RHOA: variants seen among roughly 807,000 people sequenced by gnomAD.
The protein encoded by RHOA is transforming protein RhoA.
Under a neutral mutation model 17.5 loss-of-function variants are expected in RHOA, and 3 were observed. That is an observed-to-expected ratio of 0.17 (90% confidence interval 0.08 to 0.44). RHOA has a LOEUF of 0.44. Ranked by LOEUF, RHOA falls within the 20% of genes least tolerant of loss-of-function variation. The pLI is 0.99. For missense variants in RHOA, 56 were observed against 242.3 expected (o/e 0.23, Z 5.10); for synonymous variants, 98 against 88.4 (o/e 1.11, Z -0.61).
At chr3:49,397,953 T>C (rs2048646113) in intron 1 of RHOA, among the ~76,000 whole-genome samples, 1 of 152,196 alleles carries the variant, frequency 6.6e-6, no homozygotes, top group Non-Finnish European at 1.5e-5. Context: ...GCGGGACTGC[T>C]AGGCAGTGCT....
intron 1 of RHOA, among the ~76,000 whole-genome samples, chr3:49,403,153 A>T (rs1430966806): frequency 6.6e-6 from 1 of 152,100 alleles, no homozygotes; most frequent in East Asian, 1.9e-4. Flanking sequence ...CCTGGCTAAC[A>T]GAGTGAAACC....
intron 3 of RHOA, chr3:49,367,130 C>T (rs994344864): frequency 6.6e-6 from 1 of 151,922 alleles, no homozygotes; most frequent in Non-Finnish European, 1.5e-5. Context: ...ATCACGAGGT[C>T]AGGAGATCAA....
chr3:49,398,756 C>T (rs989046852), intron 1 of RHOA, among the ~76,000 whole-genome samples: 8 of 136,200 alleles, frequency 5.9e-5, no homozygotes, highest in African/African-American at 2.7e-5. Flanking sequence ...AGGAGAACGG[C>T]GTGAACCCGG....
At chr3:49,384,971 G>A (rs2048372824) in intron 1 of RHOA, among the ~76,000 whole-genome samples, 1 of 151,666 alleles carries the variant, frequency 6.6e-6, no homozygotes, top group Non-Finnish European at 1.5e-5. Context: ...GCTGAGGCAG[G>A]AGAATTGTTT....
At chr3:49,364,656 G>A (rs1348023776) in intron 3 of RHOA, among the ~76,000 whole-genome samples, 1 of 151,690 alleles carries the variant, frequency 6.6e-6, no homozygotes. Context: ...GCGAGACTCC[G>A]TCTCAAAATA....
chr3:49,375,676 G>C, intron 1 of RHOA, 85 bp from the exon 2 acceptor site: 2 of 1,425,094 alleles, frequency 1.4e-6, no homozygotes. Flanking sequence ...GGTAACCATG[G>C]GGCATAAACC....
intron 1 of RHOA, among the ~76,000 whole-genome samples, chr3:49,409,793 C>G (rs2048902529): frequency 6.6e-6 from 1 of 152,202 alleles, no homozygotes; most frequent in Admixed American, 6.5e-5. Flanking sequence ...ACTCCACCAC[C>G]ACCACATGCA....
chr3:49,392,423 C>G (rs6792911), intron 1 of RHOA, among the ~76,000 whole-genome samples: 75 of 152,026 alleles, frequency 4.9e-4, no homozygotes, highest in African/African-American at 1.8e-3. Flanking sequence ...GCCTGGGTGC[C>G]AGAGTGAGTC....
intron 1 of RHOA, among the ~76,000 whole-genome samples, chr3:49,404,611 CAAAAAAAAA>C (rs71080508): frequency 1.8e-4 from 6 of 33,166 alleles, no homozygotes; most frequent in African/African-American, 2.7e-4. Context: ...GACTCCGTCT[CAAAAAAAAA>C]AAAAAAAAAA....
chr3:49,374,311 C>T (rs769094920), intron 2 of RHOA, among the ~76,000 whole-genome samples: 5 of 152,166 alleles, frequency 3.3e-5, no homozygotes, highest in Non-Finnish European at 5.9e-5. Flanking sequence ...AATACTGGGA[C>T]ATCTGATTAA....
chr3:49,371,195 G>A (rs2048141894), intron 2 of RHOA, among the ~76,000 whole-genome samples: 1 of 151,954 alleles, frequency 6.6e-6, no homozygotes, highest in Non-Finnish European at 1.5e-5. Flanking sequence ...TATCAAAAGG[G>A]GCCTTTTCAT....
At chr3:49,398,861 A>AAAAAAAAAG (rs2048666124) in intron 1 of RHOA, among the ~76,000 whole-genome samples, 1 of 140,048 alleles carries the variant, frequency 7.1e-6, no homozygotes, top group African/African-American at 2.6e-5. Flanking sequence ...AAAAAAAAAA[A>AAAAAAAAAG]AAAAAAAAAA....
At chr3:49,393,556 C>G (rs938821929) in intron 1 of RHOA, among the ~76,000 whole-genome samples, 2 of 151,434 alleles carry the variant, frequency 1.3e-5, no homozygotes, top group Non-Finnish European at 2.9e-5. Context: ...CCTTGGCCTC[C>G]CAAAGTGCTC....
intron 1 of RHOA, 37 bp from the exon 2 acceptor site, chr3:49,375,628 A>AAGAAGTCAT: frequency 2.5e-6 from 4 of 1,602,306 alleles, no homozygotes; most frequent in Non-Finnish European, 3.4e-6. Flanking sequence ...TGCAATGCAC[A>AAGAAGTCAT]AGAAGTCATA....
At chr3:49,378,493 C>T (rs879413879) in intron 1 of RHOA, among the ~76,000 whole-genome samples, 23 of 152,024 alleles carry the variant, frequency 1.5e-4, no homozygotes, top group Admixed American at 1.2e-3. Flanking sequence ...GTGATCTACT[C>T]GCCTCGGCCT....
chr3:49,371,712 A>T (rs1003867756), intron 2 of RHOA, among the ~76,000 whole-genome samples: 1 of 151,734 alleles, frequency 6.6e-6, no homozygotes, highest in African/African-American at 2.4e-5. Flanking sequence ...ATTCCAGGGG[A>T]CTCTCCTCAA....
intron 1 of RHOA, among the ~76,000 whole-genome samples, chr3:49,378,133 A>G (rs149735951): frequency 7.2e-6 from 1 of 138,370 alleles, no homozygotes; most frequent in Non-Finnish European, 1.5e-5. Flanking sequence ...TGGGCAACAG[A>G]GCACTCCAGC....
intron 1 of RHOA, among the ~76,000 whole-genome samples, chr3:49,377,441 A>G (rs2048246312): frequency 6.6e-6 from 1 of 151,950 alleles, no homozygotes; most frequent in Admixed American, 6.6e-5. Context: ...CTAAAAATAC[A>G]AAAAATTAGC....
chr3:49,406,876 C>T (rs1470624801), intron 1 of RHOA: 1 of 152,090 alleles, frequency 6.6e-6, no homozygotes, highest in African/African-American at 2.4e-5. Context: ...GTGGCTCATG[C>T]TTGTAATCCC....
Sources: gnomAD v4.1 joint callset for allele counts (sites outside exome capture counted in the v4.1 genomes callset) on GRCh38, gnomAD v4.1.1 for gene constraint, MANE v1.5 for transcripts, NCBI Gene and HGNC (gene_info 2026-07-23, HGNC 2026-07-21) for gene names.